The following CAST variants were observed in gnomAD, a reference collection of about 807,000 sequenced individuals.
CAST encodes MIR583 host.
Under a neutral mutation model 119.6 loss-of-function variants are expected in CAST, and 76 were observed. The observed-to-expected ratio is 0.64, with a 90% CI of 0.53 to 0.77. The LOEUF (loss-of-function observed/expected upper bound fraction) is 0.77, where lower values mean the gene tolerates loss of function less well. Among genes scored for constraint, CAST ranks in the 30% least tolerant of loss-of-function variants. The pLI is 0.00. For synonymous variants in CAST, 319 were observed against 331.6 expected (o/e 0.96, Z 0.41); for missense variants, 953 against 946.5 (o/e 1.01, Z -0.09).
At chr5:96,003,673 A>G in the CAST span, among the ~76,000 whole-genome samples, 1 of 152,180 alleles carries the variant, frequency 6.6e-6, no homozygotes, top group Non-Finnish European at 1.5e-5. Flanking sequence ...ATTATTCTTT[A>G]ATAACTTAGA....
the CAST span, among the ~76,000 whole-genome samples, chr5:95,971,005 T>C: frequency 6.6e-6 from 1 of 152,174 alleles, no homozygotes; most frequent in Non-Finnish European, 1.5e-5. Flanking sequence ...CAGTTCATAA[T>C]GTTGATGATC....
chr5:96,534,406 A>ATAGGC (rs1440228575), intron 1 of CAST, among the ~76,000 whole-genome samples: 1 of 44,868 alleles, frequency 2.2e-5, no homozygotes, highest in African/African-American at 6.9e-5. Flanking sequence ...TAAAAGAAAA[A>ATAGGC]TAGGCTGTAA....
At chr5:96,201,475 G>A in the CAST span, among the ~76,000 whole-genome samples, 1 of 152,052 alleles carries the variant, frequency 6.6e-6, no homozygotes, top group Admixed American at 6.6e-5. Context: ...CACAGAAACA[G>A]CAATGACCAC....
At chr5:96,524,145 C>T (rs948119760), upstream of CAST, among the ~76,000 whole-genome samples, 1 of 152,186 alleles carries the variant, frequency 6.6e-6, no homozygotes, top group Admixed American at 6.5e-5. Context: ...GACAGGACGA[C>T]GTACTGAGAA....
At chr5:96,109,090 C>T in the CAST span, among the ~76,000 whole-genome samples, 15 of 152,222 alleles carry the variant, frequency 9.9e-5, no homozygotes, top group East Asian at 1.3e-3. Context: ...GGCTTGCGCA[C>T]GGTGCGTGCA....
chr5:96,559,931 G>C (rs1194085639), intron 1 of CAST, among the ~76,000 whole-genome samples: 1 of 152,048 alleles, frequency 6.6e-6, no homozygotes, highest in African/African-American at 2.4e-5. Flanking sequence ...AGCTGGAGGC[G>C]TCACACTACC....
intron 1 of CAST, among the ~76,000 whole-genome samples, chr5:96,558,963 C>A (rs263390): frequency 0.97 from 147,930 of 152,062 alleles, 72,083 homozygotes; most frequent in East Asian, 1. Flanking sequence ...CCTCAATAAA[C>A]TACTGGCAAA....
intron 1 of CAST, among the ~76,000 whole-genome samples, chr5:96,642,694 A>G (rs1034978459): frequency 6.6e-6 from 1 of 152,004 alleles, no homozygotes; most frequent in Non-Finnish European, 1.5e-5. Flanking sequence ...GGCACCCGGC[A>G]CCACGCCCAG....
intron 11 of CAST, among the ~76,000 whole-genome samples, chr5:96,738,441 T>C (rs75301029): frequency 2.6e-4 from 39 of 152,298 alleles, no homozygotes; most frequent in African/African-American, 9.4e-4. Flanking sequence ...GGCAGCTGCA[T>C]TATAACATTG....
the CAST span, among the ~76,000 whole-genome samples, chr5:96,077,638 G>C: frequency 1.3e-5 from 2 of 152,056 alleles, no homozygotes; most frequent in Non-Finnish European, 2.9e-5. Flanking sequence ...ATTAGTTCCT[G>C]AAATAACTGG....
the CAST span, among the ~76,000 whole-genome samples, chr5:96,089,708 C>T: frequency 6.6e-6 from 1 of 152,132 alleles, no homozygotes; most frequent in African/African-American, 2.4e-5. Flanking sequence ...CCAACAGTTG[C>T]CTCTGATGAA....
chr5:96,414,905 A>C, the CAST span, among the ~76,000 whole-genome samples: 41 of 152,344 alleles, frequency 2.7e-4, no homozygotes, highest in Middle Eastern at 6.8e-3. Flanking sequence ...TATATTCATG[A>C]AAGATGCATT....
In CAST at chr5:96,664,338, T is replaced by C. The variant is rs984664775; in HGVS notation, c.75+1841T>C. The stretch of plus-strand genomic sequence containing the variant: ...TTACACATATATGTAAATATATGTG[T>C]GTGCATATATATGTAAATATATGTG... On this transcript the variant is annotated intron_variant, in intron 1 of 31. Transcript: ENST00000675179. 2.6e-5 allele frequency among the ~76,000 whole-genome samples: 4 copies of C among 152,160 alleles called. No homozygotes were observed. The East Asian group carries it at 7.7e-4, about 29-fold the overall frequency.
the CAST span, among the ~76,000 whole-genome samples, chr5:96,049,889 C>CAAAAAAAAAAAAAAAAAAAGAAAAAAAAA: frequency 2.9e-5 from 1 of 34,188 alleles, no homozygotes; most frequent in Non-Finnish European, 5.2e-5. Flanking sequence ...GAACAGGAGG[C>CAAAAAAAAAAAAAAAAAAAGAAAAAAAAA]AAAAAAAAAA....
chr5:96,613,276 A>G (rs1360316803), intron 1 of CAST, among the ~76,000 whole-genome samples: 1 of 152,202 alleles, frequency 6.6e-6, no homozygotes, highest in Non-Finnish European at 1.5e-5. Flanking sequence ...GATGGATTTG[A>G]AGATGAATGA....
upstream of CAST, among the ~76,000 whole-genome samples, chr5:96,659,805 C>T (rs1381728611): frequency 6.6e-6 from 1 of 152,200 alleles, no homozygotes; most frequent in Non-Finnish European, 1.5e-5. Flanking sequence ...GCTAGGATTA[C>T]AGGCATGAGC....
chr5:96,465,024 G>C, the CAST span, among the ~76,000 whole-genome samples: 5 of 151,970 alleles, frequency 3.3e-5, no homozygotes, highest in African/African-American at 1.2e-4. Context: ...TTATAGTATT[G>C]AGTCTTCTAA....
At chr5:96,399,129 T>C in the CAST span, 13 of 896,572 alleles carry the variant, frequency 1.4e-5, no homozygotes, top group Non-Finnish European at 2.1e-5. Context: ...GACTAGATGC[T>C]CAACTAAGCT....
At chr5:96,734,879 A>C (rs1448844840) in intron 9 of CAST, among the ~76,000 whole-genome samples, 1 of 152,196 alleles carries the variant, frequency 6.6e-6, no homozygotes, top group African/African-American at 2.4e-5. Flanking sequence ...GACAATTAAA[A>C]TACTGTTTTC....
Sources: allele counts gnomAD v4.1 joint callset (sites outside exome capture counted in the v4.1 genomes callset), GRCh38; gene constraint gnomAD v4.1.1; transcripts MANE v1.5; gene names NCBI Gene and HGNC (gene_info 2026-07-23, HGNC 2026-07-21).